Variants in NPHS1 observed in about 807,000 individuals in gnomAD.
The protein encoded by NPHS1 is nephrin.
In NPHS1, 107 loss-of-function variants were observed where a neutral mutation model predicts 139.7. The observed-to-expected ratio is 0.77, with a 90% CI of 0.66 to 0.90. NPHS1 has a LOEUF of 0.90. NPHS1 is among the 40% of genes least tolerant of loss of function. NPHS1 has a pLI of 0.00. For synonymous variants in NPHS1, 707 were observed against 706.6 expected (o/e 1.00, Z -0.01); for missense variants, 1,580 against 1,654.2 (o/e 0.96, Z 0.78).
rs73928325 is a variant in NPHS1, at chr19:35,830,123, A to G, written c.3594+721T>C. ...TAATTATCTTTAAAAATTCATGTCT[A>G]CTTCCTTCCACAGTAGCAGAATTGC... is the stretch of plus-strand genomic sequence containing the variant. On this transcript the variant is annotated intron_variant, in intron 28 of 28. Coordinates refer to ENST00000378910, the MANE Select transcript of NPHS1 (RefSeq NM_004646.4). 3.7e-3 allele frequency among the ~76,000 whole-genome samples: 559 copies of G among 152,250 alleles called. 4 individuals carry two copies. Among genetic ancestry groups the G allele is most frequent in the African/African-American group, 0.013 (519 of 41,520 alleles).
At chr19:35,847,960 C>T in intron 11 of NPHS1, 81 bp downstream of exon 11, 1 of 1,455,446 alleles carries the variant, frequency 6.9e-7, no homozygotes, top group South Asian at 1.2e-5. Context: ...TCCAAGATTG[C>T]CCAAGATTCT....
At chr19:35,829,240 G>A (rs999517172) in intron 28 of NPHS1, among the ~76,000 whole-genome samples, 4 of 152,220 alleles carry the variant, frequency 2.6e-5, no homozygotes, top group African/African-American at 7.2e-5. Context: ...TCAGGGATGT[G>A]TTCAGTGATG....
At chr19:35,849,203 C>A in intron 7 of NPHS1, 33 bp downstream of exon 7, 1 of 1,613,374 alleles carries the variant, frequency 6.2e-7, no homozygotes, top group South Asian at 1.1e-5. Flanking sequence ...ACCCCACTGT[C>A]CCCCCATTCC....
chr19:35,850,723 A>C (rs1302514450), intron 4 of NPHS1, among the ~76,000 whole-genome samples: 1 of 152,118 alleles, frequency 6.6e-6, no homozygotes, highest in East Asian at 1.9e-4. Context: ...CACCAGCGCT[A>C]CTGCCCATAT....
At chr19:35,835,199 CAAA>C (rs71167570) in intron 23 of NPHS1, among the ~76,000 whole-genome samples, 12 of 71,214 alleles carry the variant, frequency 1.7e-4, no homozygotes, top group Non-Finnish European at 1.8e-4. Context: ...GACTCTGTCT[CAAA>C]AAAAAAAAAA....
At chr19:35,847,699 CT>C (rs1973165455) in intron 11 of NPHS1, among the ~76,000 whole-genome samples, 1 of 149,256 alleles carries the variant, frequency 6.7e-6, no homozygotes, top group African/African-American at 2.5e-5. Context: ...GGATTCAAGT[CT>C]TTCCCTAAAA....
In NPHS1 at chr19:35,831,159, C is replaced by T. The variant is rs543338200; in HGVS notation, c.3388-13G>A. On this transcript the variant is annotated splice_polypyrimidine_tract_variant and intron_variant, in intron 26 of 28. Coordinates refer to ENST00000378910, the MANE Select transcript of NPHS1 (RefSeq NM_004646.4). ...CTGTTGTGCTGACCTGTTCCCCACA[C>T]GCAAAACAAACAAAGCCCTTTCCAT... The T allele has an allele frequency of 3.6e-5, 58 of 1,613,662 alleles. No individual in the cohort carries two copies. The highest frequency in any genetic ancestry group is 5.3e-5 in the African/African-American group (4 of 75,032).
rs1388041639 is a variant in NPHS1 at position 35,841,862 on chromosome 19, T to C, written c.2668A>G (p.Thr890Ala). ...VPLDLQDPRYTEHTYHQGGVH... is the reference protein window; with the variant it reads ...VPLDLQDPRYAEHTYHQGGVH... ...CCACCCTGGTGGTATGTGTGCTCCG[T>C]GTACCTAGAGAGAAGGTAGGGCACC... The change falls in exon 20 of 29, where the codon ACG becomes GCG. Residue 890 changes from threonine (T) to alanine (A), a missense_variant. Thr to Ala is a moderately conservative substitution (Grantham distance 58). Coordinates refer to ENST00000378910, the MANE Select transcript of NPHS1 (RefSeq NM_004646.4). 1 of 1,610,076 alleles carries C rather than the reference T, an allele frequency of 6.2e-7. No homozygotes were observed. The highest frequency in any genetic ancestry group is 1.1e-5 in the South Asian group (1 of 90,398).
At chr19:35,843,849 T>C in intron 16 of NPHS1, 1 of 646,060 alleles carries the variant, frequency 1.5e-6, no homozygotes, top group Non-Finnish European at 2.6e-6. Flanking sequence ...GCTTATACAG[T>C]GGGCTCTCAT....
chr19:35,838,198 G>C (rs571771797), intron 22 of NPHS1, among the ~76,000 whole-genome samples: 1 of 150,196 alleles, frequency 6.7e-6, no homozygotes, highest in Non-Finnish European at 1.5e-5. Flanking sequence ...GAGCCGAGAC[G>C]GCACCATTGC....
In NPHS1 at chr19:35,826,603, G is replaced by A; in HGVS notation, c.3637C>T (p.Pro1213Ser). The A allele has an allele frequency of 6.2e-7, 1 of 1,614,072 alleles. No homozygotes were observed. The highest frequency in any genetic ancestry group is 8.5e-7 in the Non-Finnish European group (1 of 1,180,008). Residue 1213 changes from proline (P) to serine (S), a missense_variant, in exon 29 of 29, where the codon CCA becomes TCA. Pro to Ser is a moderately conservative substitution (Grantham distance 74, BLOSUM62 -1). Coordinates refer to ENST00000378910, the MANE Select transcript of NPHS1 (RefSeq NM_004646.4). ...LHWPEDTYQD[P>S]RGIYDQVAGD... is the part of the protein sequence containing the mutation. Reference sequence around the variant, plus strand: ...GCCACCTGGTCATAGATTCCTCTTGGATCCTGATATGTGTCTTCAGGCCAG... The same window carrying A: ...GCCACCTGGTCATAGATTCCTCTTGAATCCTGATATGTGTCTTCAGGCCAG...
intron 14 of NPHS1, 56 bp from the exon 15 acceptor site, chr19:35,844,515 C>T: frequency 6.5e-7 from 1 of 1,529,412 alleles, no homozygotes; most frequent in Non-Finnish European, 8.8e-7. Context: ...GGGTCAAGGA[C>T]AGATTGGAGA....
rs1191016873 is a variant in NPHS1, at chr19:35,852,359, C to A, written c.-522G>T. ...ATCTTCTCTCCTGCCACCCCTCACT[C>A]CTGCTCCTTGTCTCACTACTCACAG... On this transcript the variant is annotated 5_prime_UTR_variant, in exon 1 of 29. Transcript: ENST00000378910. Among the ~76,000 whole-genome samples, 1 of 152,032 alleles carries A rather than the reference C, an allele frequency of 6.6e-6. No individual in the cohort carries two copies. The highest frequency in any genetic ancestry group is 1.5e-5 in the Non-Finnish European group (1 of 68,000).
In NPHS1 at chr19:35,825,443, G is replaced by A. The variant is rs1468169028; in HGVS notation, c.*1071C>T. Among the ~76,000 whole-genome samples the A allele has an allele frequency of 6.6e-6, 1 of 152,026 alleles. No individual in the cohort carries two copies. Among genetic ancestry groups the A allele is most frequent in the Non-Finnish European group, 1.5e-5 (1 of 67,996 alleles). On this transcript the variant is annotated 3_prime_UTR_variant, in exon 29 of 29. Transcript: ENST00000378910. The stretch of plus-strand genomic sequence containing the variant: ...AAAATGCACCCATCTTAAGTGTAAA[G>A]TTCAATGAGTTTTGACAAATCTGTG...
chr19:35,831,192 C>T, intron 26 of NPHS1, 46 bp from the exon 27 acceptor site: 1 of 1,609,908 alleles, frequency 6.2e-7, no homozygotes, highest in Non-Finnish European at 8.5e-7. Flanking sequence ...CATCCTCTGA[C>T]CCCACTGTGC....
At chr19:35,844,548 A>G (rs1353167798) in intron 14 of NPHS1, 89 bp from the exon 15 acceptor site, 30 of 1,408,924 alleles carry the variant, frequency 2.1e-5, no homozygotes, top group Non-Finnish European at 2.7e-5. Context: ...TCAAGGGTTA[A>G]AGTTGGGGTC....
At position 35,826,341 on chromosome 19, in the gene NPHS1, T is replaced by C; in HGVS notation, c.*173A>G. The C allele has an allele frequency of 1.4e-6, 1 of 706,990 alleles. No individual in the cohort carries two copies. The highest frequency in any genetic ancestry group is 2.7e-5 in the East Asian group (1 of 36,662). The allele number at this position is 706,990 out of a possible 1,614,324, so 43.8% of individuals were successfully genotyped here. ...ACCCCAGGATGCACCTTGTTTCTAC[T>C]CTGGTACCAGCTGAACCATCTCTGT... On this transcript the variant is annotated 3_prime_UTR_variant, in exon 29 of 29. Transcript: ENST00000378910.
In NPHS1 at chr19:35,845,486, G is replaced by A. The variant is rs2146823363; in HGVS notation, c.1812C>T (p.Ala604=). 3.7e-6 allele frequency: 6 copies of A among 1,613,868 alleles called. No individual in the cohort carries two copies. Among genetic ancestry groups the A allele is most frequent in the Non-Finnish European group, 5.1e-6 (6 of 1,179,910 alleles). ...ACACTTGCAGAAGGACGCTCCTGGC[G>A]GCGGCGGAGCCTTTGAATGGGGCTC... The part of the protein sequence containing the change: ...PRRAPFKGSA[A]ARSVLLQVSS... The change falls in exon 14 of 29, where the codon GCC becomes GCT. Residue 604 remains alanine (A), a synonymous_variant. Transcript: ENST00000378910. This position sits in a 1 kb window ranked among gnomAD's most constrained non-coding sequence, Gnocchi z 5.5.
At chr19:35,850,504 A>C in intron 4 of NPHS1, 59 bp from the exon 5 acceptor site, 1 of 1,467,644 alleles carries the variant, frequency 6.8e-7, no homozygotes, top group Non-Finnish European at 9.6e-7. Flanking sequence ...GATTCTGGGG[A>C]GCATGGCCTG....
Sources: gnomAD v4.1 joint callset for allele counts (sites outside exome capture counted in the v4.1 genomes callset) on GRCh38, gnomAD v4.1.1 for gene constraint, Gnocchi (gnomAD v3.1) non-coding constraint, MANE v1.5 for transcripts, NCBI Gene and HGNC (gene_info 2026-07-23, HGNC 2026-07-21) for gene names.